RBM15B: variants seen among roughly 807,000 people sequenced by gnomAD.
The protein encoded by RBM15B is putative RNA-binding protein 15B.
In RBM15B, 11 loss-of-function variants were observed where a neutral mutation model predicts 53.3. That is an observed-to-expected ratio of 0.21 (90% CI 0.13 to 0.34). RBM15B has a LOEUF of 0.34. Among genes scored for constraint, RBM15B ranks in the 10% least tolerant of loss-of-function variants. The pLI is 1.00. For synonymous variants in RBM15B, 631 were observed against 540.7 expected, an observed-to-expected ratio of 1.17 and a Z score of -2.32; for missense variants, 1,136 against 1,250.3, an observed-to-expected ratio of 0.91 and a Z score of 1.38.
chr3:51,393,681 C>T lies in RBM15B; in HGVS notation c.2282C>T (p.Thr761Ile), dbSNP rs2089080285. 1 of 1,612,588 alleles carries T rather than the reference C, an allele frequency of 6.2e-7. No individual in the cohort carries two copies. The highest frequency in any genetic ancestry group is 2.2e-5 in the East Asian group (1 of 44,868). Residue 761 changes from threonine (T) to isoleucine (I), a missense_variant, in exon 1 of 1, where the codon ACC (threonine) becomes ATC (isoleucine). This residue lies in a region of RBM15B where 578 missense variants were observed against 581.6 expected (regional missense o/e 0.99). Coordinates refer to ENST00000563281, the MANE Select transcript of RBM15B (RefSeq NM_013286.5). The surrounding 1 kb of genome is among the most constrained non-coding windows in gnomAD (Gnocchi z 5.6). ...GACCACACTTCTGGGAGCAAGCTGACCCAGCTGAAGATCGCCCAGCGCCTT... is the reference window on the plus strand; with the variant it reads ...GACCACACTTCTGGGAGCAAGCTGATCCAGCTGAAGATCGCCCAGCGCCTT... Reference protein sequence around the residue: ...LKDHTSGSKLTQLKIAQRLRL... With the variant: ...LKDHTSGSKLIQLKIAQRLRL...
Position 51,391,422 on chromosome 3 carries a change from A to T in RBM15B, c.23A>T (p.Asp8Val). Residue 8 changes from aspartate to valine, a missense_variant, in exon 1 of 1, where the codon GAC (aspartate) becomes GTC (valine). By Grantham distance (152) the Asp-to-Val change is radical (BLOSUM62 -3). Transcript: ENST00000563281. This position sits in a 1 kb window ranked among gnomAD's most constrained non-coding sequence, Gnocchi z 4.5. MKRQSER[D>V]SSPSGRGSSS... ...GCCATGAAGCGGCAGAGCGAGCGAG[A>T]CTCTAGCCCGAGCGGGCGCGGCTCG... is the stretch of plus-strand genomic sequence containing the variant. The T allele has an allele frequency of 7.9e-7, 1 of 1,268,692 alleles. No homozygotes were observed. The highest frequency in any genetic ancestry group is 1.0e-6 in the Non-Finnish European group (1 of 1,004,394). 78.6% of individuals were successfully genotyped at this position (1,268,692 alleles called of 1,614,324 possible).
rs375089728 is a variant in RBM15B at position 51,393,409 on chromosome 3, C to T, written c.2010C>T (p.His670=). Residue 670 remains histidine, a synonymous_variant, in exon 1 of 1, where the codon CAC becomes CAT. Transcript: ENST00000563281. The surrounding 1 kb of genome is among the most constrained non-coding windows in gnomAD (Gnocchi z 5.6). Reference sequence around the variant, plus strand: ...AACGGGGCCACCACCACCACCACCACGAGGCTGCAGACTCTTCCCACGGGA... The same window carrying T: ...AACGGGGCCACCACCACCACCACCATGAGGCTGCAGACTCTTCCCACGGGA... The part of the protein sequence containing the change: ...AEERGHHHHH[H]EAADSSHGKK... The T allele has an allele frequency of 6.3e-5, 101 of 1,613,608 alleles. No individual in the cohort carries two copies. The highest frequency in any genetic ancestry group is 1.0e-4 in the Admixed American group (6 of 60,004).
Position 51,391,803 on chromosome 3 carries a change from C to T in RBM15B, c.404C>T (p.Ala135Val). 1 of 1,594,672 alleles carries T rather than the reference C, an allele frequency of 6.3e-7. No homozygotes were observed. Among genetic ancestry groups the T allele is most frequent in the Non-Finnish European group, 8.5e-7 (1 of 1,177,336 alleles). The change falls in exon 1 of 1, where the codon GCG (alanine) becomes GTG (valine). Residue 135 changes from alanine to valine, a missense_variant. Physicochemically the swap from Ala to Val is moderately conservative, Grantham distance 64. Coordinates refer to ENST00000563281, the MANE Select transcript of RBM15B (RefSeq NM_013286.5). The surrounding 1 kb of genome is among the most constrained non-coding windows in gnomAD (Gnocchi z 4.5). ...EPACPGSSAA[A>V]PEYKTLLISS... ...GCGTGTCCCGGCTCATCCGCGGCCG[C>T]GCCTGAGTACAAGACGTTGCTCATC...
rs2089189741 is a variant in RBM15B at position 51,396,156 on chromosome 3, G to C, written c.*2084G>C. On this transcript the variant is annotated 3_prime_UTR_variant, in exon 1 of 1. Transcript: ENST00000563281. ...CTACCTATCTTCCTTCATGAAGCAG[G>C]TGCTCAGGACCCGGAAGAATCATCT... The C allele has an allele frequency of 2.5e-6, 1 of 393,210 alleles. No homozygotes were observed. Among genetic ancestry groups the C allele is most frequent in the Admixed American group, 4.5e-5 (1 of 22,082 alleles). 24.4% of individuals were successfully genotyped at this position (393,210 alleles called of 1,614,324 possible).
Position 51,393,518 on chromosome 3 carries a change from A to T in RBM15B, c.2119A>T (p.Lys707Ter). ...GGAAGAGCCAAAACACGAGACCAAA[A>T]AGCTGAAGAATCTTTCAGAGTACGC... ...PLEEPKHETK[K>*]LKNLSEYAQT... The change falls in exon 1 of 1, where the codon AAG becomes TAG. Residue 707 changes from lysine to a stop codon, truncating the protein, a stop_gained. Transcript: ENST00000563281. LOFTEE classifies it high-confidence loss of function. This position sits in a 1 kb window ranked among gnomAD's most constrained non-coding sequence, Gnocchi z 5.6. 1 of 1,614,096 alleles carries T rather than the reference A, an allele frequency of 6.2e-7. No homozygotes were observed. Among genetic ancestry groups the T allele is most frequent in the Admixed American group, 1.7e-5 (1 of 60,020 alleles).
At position 51,392,059 on chromosome 3, in the gene RBM15B, T is replaced by TGGC. The variant is rs1559454913; in HGVS notation, c.669_671dup (p.Gly224dup). 1.9e-6 allele frequency: 3 copies of TGGC among 1,589,950 alleles called. No individual in the cohort carries two copies. Among genetic ancestry groups the TGGC allele is most frequent in the Non-Finnish European group, 2.6e-6 (3 of 1,175,626 alleles). On this transcript the variant is annotated inframe_insertion, in exon 1 of 1. Transcript: ENST00000563281. The surrounding 1 kb of genome is among the most constrained non-coding windows in gnomAD (Gnocchi z 7.5). ...TCAAGGTAGAGCCCGTGTACCTGCG[T>TGGC]GGCGGCGGCGGGAGCAGTCGGCGAA... is the stretch of plus-strand genomic sequence containing the variant.
At position 51,393,499 on chromosome 3, in the gene RBM15B, G is replaced by T. The variant is rs146670597; in HGVS notation, c.2100G>T (p.Glu700Asp). ...TTEAEPKPLE[E>D]PKHETKKLKN... The stretch of plus-strand genomic sequence containing the variant: ...AGGCCGAGCCCAAGCCTCTGGAAGA[G>T]CCAAAACACGAGACCAAAAAGCTGA... Residue 700 changes from glutamate to aspartate, a missense_variant, in exon 1 of 1, where the codon GAG (glutamate) becomes GAT (aspartate). By Grantham distance (45) the Glu-to-Asp change is conservative. Around this residue, in one of 7 missense-constraint regions of RBM15B, gnomAD observed 578 missense variants for 581.6 expected, o/e 0.99. Coordinates refer to ENST00000563281, the MANE Select transcript of RBM15B (RefSeq NM_013286.5). This position sits in a 1 kb window ranked among gnomAD's most constrained non-coding sequence, Gnocchi z 5.6. 212 of 1,614,102 alleles carry T rather than the reference G, an allele frequency of 1.3e-4. No homozygotes were observed. In the African/African-American group the frequency reaches 2.1e-3, roughly 16 times the overall value.
In RBM15B at chr3:51,392,990, A is replaced by T. The variant is rs782439126; in HGVS notation, c.1591A>T (p.Arg531Trp). 1 of 1,613,750 alleles carries T rather than the reference A, an allele frequency of 6.2e-7. No homozygotes were observed. Among genetic ancestry groups the T allele is most frequent in the East Asian group, 2.2e-5 (1 of 44,880 alleles). ...CCTGGACGCCGACCTGGTGCGGGAC[A>T]GGACGCCCCCACACCTTCTGTACTC... Reference protein sequence around the residue: ...RNLDADLVRDRTPPHLLYSDR... With the variant: ...RNLDADLVRDWTPPHLLYSDR... The change falls in exon 1 of 1, where the codon AGG (arginine) becomes TGG (tryptophan). Residue 531 changes from arginine to tryptophan, a missense_variant. Physicochemically the swap from Arg to Trp is moderately radical, Grantham distance 101 (BLOSUM62 -3). Around this residue, in one of 7 missense-constraint regions of RBM15B, gnomAD observed 578 missense variants for 581.6 expected, o/e 0.99. Transcript: ENST00000563281. This position sits in a 1 kb window ranked among gnomAD's most constrained non-coding sequence, Gnocchi z 7.5.
chr3:51,392,234 G>C lies in RBM15B; in HGVS notation c.835G>C (p.Ala279Pro). 2 of 1,570,808 alleles carry C rather than the reference G, an allele frequency of 1.3e-6. No individual in the cohort carries two copies. Among genetic ancestry groups the C allele is most frequent in the Non-Finnish European group, 1.7e-6 (2 of 1,163,072 alleles). ...TGCCCCGCCCCTGCGGGAGCCCCGT[G>C]CCCGTCACGCCGCCGCAGCCTTCGC... ...VAAPPLREPR[A>P]RHAAAAFALD... The change falls in exon 1 of 1, where the codon GCC becomes CCC. Residue 279 changes from alanine to proline, a missense_variant. This residue lies in a region of RBM15B where 204 missense variants were observed against 196.8 expected (regional missense o/e 1.04). Coordinates refer to ENST00000563281, the MANE Select transcript of RBM15B (RefSeq NM_013286.5). This position sits in a 1 kb window ranked among gnomAD's most constrained non-coding sequence, Gnocchi z 7.5.
Position 51,394,592 on chromosome 3 carries a change from G to C in RBM15B, c.*520G>C, listed in dbSNP as rs1156630760. Reference sequence around the variant, plus strand: ...CTTGGCTGACAGCAGGCAAGCTTCAGTTTGGGCTGTGGACGCTGCCACACA... The same window carrying C: ...CTTGGCTGACAGCAGGCAAGCTTCACTTTGGGCTGTGGACGCTGCCACACA... On this transcript the variant is annotated 3_prime_UTR_variant, in exon 1 of 1. Transcript: ENST00000563281. The C allele has an allele frequency of 6.0e-6, 1 of 167,196 alleles. No homozygotes were observed. The highest frequency in any genetic ancestry group is 1.5e-5 in the Non-Finnish European group (1 of 68,182). 10.4% of individuals were successfully genotyped at this position (167,196 alleles called of 1,614,324 possible). A position where few individuals can be genotyped will look rare whatever the true frequency, so the allele number is the denominator to read the frequency against.
rs932450540 is a variant in RBM15B at position 51,397,566 on chromosome 3, G to C, written c.*3494G>C. 6.0e-6 allele frequency: 1 copy of C among 167,124 alleles called. No homozygotes were observed. Among genetic ancestry groups the C allele is most frequent in the African/African-American group, 2.4e-5 (1 of 41,462 alleles). 10.4% of individuals were successfully genotyped at this position (167,124 alleles called of 1,614,324 possible). ...ATCTGTACTTGGGAGCAGCCTGCTG[G>C]ATCCAGAACATGACAACAGAGAGCT... On this transcript the variant is annotated 3_prime_UTR_variant, in exon 1 of 1. Coordinates refer to ENST00000563281, the MANE Select transcript of RBM15B (RefSeq NM_013286.5).
rs1346522371 is a variant in RBM15B, at chr3:51,397,815, G to A, written c.*3743G>A. ...GCAAAAAAGGGACACACCCCACTTC[G>A]GTAAAAGAAAATAGGGAAAGGCCAT... On this transcript the variant is annotated 3_prime_UTR_variant, in exon 1 of 1. Coordinates refer to ENST00000563281, the MANE Select transcript of RBM15B (RefSeq NM_013286.5). 3 of 166,838 alleles carry A rather than the reference G, an allele frequency of 1.8e-5. No homozygotes were observed. In the Admixed American group the frequency reaches 2.0e-4, roughly 11 times the overall value. The allele number at this position is 166,838 out of a possible 1,614,324, so 10.3% of individuals were successfully genotyped here. A position where few individuals can be genotyped will look rare whatever the true frequency, so the allele number is the denominator to read the frequency against.
At position 51,396,962 on chromosome 3, in the gene RBM15B, C is replaced by G. The variant is rs200785725; in HGVS notation, c.*2890C>G. 6.2e-4 allele frequency: 103 copies of G among 167,162 alleles called. 2 individuals are homozygous for G. The East Asian group carries it at 8.5e-3, about 14-fold the overall frequency. 10.4% of individuals were successfully genotyped at this position (167,162 alleles called of 1,614,324 possible). ...CAAAGAGCTGAGTGAGTCCTCTGCT[C>G]TCCAGAGGACCAAGAAATACCTGTG... is the stretch of plus-strand genomic sequence containing the variant. On this transcript the variant is annotated 3_prime_UTR_variant, in exon 1 of 1. Coordinates refer to ENST00000563281, the MANE Select transcript of RBM15B (RefSeq NM_013286.5).
In RBM15B at chr3:51,395,818, G is replaced by A; in HGVS notation, c.*1746G>A. 2.4e-6 allele frequency: 1 copy of A among 413,390 alleles called. No individual in the cohort carries two copies. Among genetic ancestry groups the A allele is most frequent in the East Asian group, 3.6e-5 (1 of 28,100 alleles). 25.6% of individuals were successfully genotyped at this position (413,390 alleles called of 1,614,324 possible). On this transcript the variant is annotated 3_prime_UTR_variant, in exon 1 of 1. Coordinates refer to ENST00000563281, the MANE Select transcript of RBM15B (RefSeq NM_013286.5). Reference sequence around the variant, plus strand: ...ACCCCTCGGTGATGTGGAATGGACAGGTGCCTCGCAAGAGAGCAAGCACGT... The same window carrying A: ...ACCCCTCGGTGATGTGGAATGGACAAGTGCCTCGCAAGAGAGCAAGCACGT...
In RBM15B at chr3:51,393,649, C is replaced by T. The variant is rs1240978393; in HGVS notation, c.2250C>T (p.Leu750=). 6 of 1,612,802 alleles carry T rather than the reference C, an allele frequency of 3.7e-6. No homozygotes were observed. The East Asian group carries it at 8.9e-5, about 24-fold the overall frequency. The part of the protein sequence containing the change: ...LEGDQGVISS[L]LKDHTSGSKL... The stretch of plus-strand genomic sequence containing the variant: ...GGGACCAGGGGGTGATCAGCAGTCT[C>T]CTCAAAGACCACACTTCTGGGAGCA... The change falls in exon 1 of 1, where the codon CTC becomes CTT. Residue 750 remains leucine (L), a synonymous_variant. Transcript: ENST00000563281. This position sits in a 1 kb window ranked among gnomAD's most constrained non-coding sequence, Gnocchi z 5.6.
Position 51,391,314 on chromosome 3 carries a change from C to T in RBM15B, c.-86C>T, listed in dbSNP as rs2089031962. 2.7e-6 allele frequency: 3 copies of T among 1,102,736 alleles called. No individual in the cohort carries two copies. Among genetic ancestry groups the T allele is most frequent in the Non-Finnish European group, 3.4e-6 (3 of 890,110 alleles). 68.3% of individuals were successfully genotyped at this position (1,102,736 alleles called of 1,614,324 possible). A position where few individuals can be genotyped will look rare whatever the true frequency, so the allele number is the denominator to read the frequency against. ...CGAGTCCTTTTGTCCAAGATGGCGG[C>T]GCCGGGGGCGCTGCCTCCTCGGCCG... On this transcript the variant is annotated 5_prime_UTR_variant, in exon 1 of 1. Transcript: ENST00000563281. The surrounding 1 kb of genome is among the most constrained non-coding windows in gnomAD (Gnocchi z 4.5).
rs1553623131 is a variant in RBM15B at position 51,396,843 on chromosome 3, G to A, written c.*2771G>A. The A allele has an allele frequency of 1.2e-5, 2 of 167,066 alleles. No homozygotes were observed. The highest frequency in any genetic ancestry group is 2.9e-5 in the Non-Finnish European group (2 of 68,132). The allele number at this position is 167,066 out of a possible 1,614,324, so 10.3% of individuals were successfully genotyped here. On this transcript the variant is annotated 3_prime_UTR_variant, in exon 1 of 1. Transcript: ENST00000563281. The stretch of plus-strand genomic sequence containing the variant: ...CTAGAATATAGTGCTTTCACTACTT[G>A]ATTGTTAACCTGTTTTCTTCTGATG...
Position 51,393,985 on chromosome 3 carries a change from C to T in RBM15B, c.2586C>T (p.Ser862=). Residue 862 remains serine (S), a synonymous_variant, in exon 1 of 1, where the codon TCC becomes TCT. Transcript: ENST00000563281. The surrounding 1 kb of genome is among the most constrained non-coding windows in gnomAD (Gnocchi z 5.6). ...MLYAFPPCDF[S]QQYLQSALRT... is the part of the protein sequence containing the mutation. ...ACGCCTTCCCACCCTGCGACTTTTC[C>T]CAGCAGTACCTCCAGTCAGCACTAA... The T allele has an allele frequency of 6.6e-7, 1 of 1,513,218 alleles. No individual in the cohort carries two copies. The highest frequency in any genetic ancestry group is 1.3e-5 in the South Asian group (1 of 74,420). 93.7% of individuals were successfully genotyped at this position (1,513,218 alleles called of 1,614,324 possible). A position where few individuals can be genotyped will look rare whatever the true frequency, so the allele number is the denominator to read the frequency against.
Position 51,392,127 on chromosome 3 carries a change from C to T in RBM15B, c.728C>T (p.Pro243Leu). ...SAAASTPPPG[P>L]PAPADPLGYL... Reference sequence around the variant, plus strand: ...GCCGCTTCCACGCCTCCCCCAGGGCCGCCCGCGCCCGCCGACCCGCTCGGC... The same window carrying T: ...GCCGCTTCCACGCCTCCCCCAGGGCTGCCCGCGCCCGCCGACCCGCTCGGC... Residue 243 changes from proline (P) to leucine (L), a missense_variant, in exon 1 of 1, where the codon CCG (proline) becomes CTG (leucine). Pro to Leu is a moderately conservative substitution (Grantham distance 98). Transcript: ENST00000563281. The surrounding 1 kb of genome is among the most constrained non-coding windows in gnomAD (Gnocchi z 7.5). 2.6e-6 allele frequency: 4 copies of T among 1,535,834 alleles called. No individual in the cohort carries two copies. The highest frequency in any genetic ancestry group is 3.5e-6 in the Non-Finnish European group (4 of 1,146,708).
Sources: gnomAD v4.1 joint callset for allele counts on GRCh38, gnomAD v4.1.1 for gene constraint, gnomAD v4.1.1 regional missense constraint, Gnocchi (gnomAD v3.1) non-coding constraint, MANE v1.5 for transcripts, NCBI Gene and HGNC (gene_info 2026-07-23, HGNC 2026-07-21) for gene names.